MEOX1: variants seen among roughly 807,000 people sequenced by gnomAD.
MEOX1 encodes mesenchyme homeobox 1.
In MEOX1, 17 loss-of-function variants were observed where a neutral mutation model predicts 23.2. The observed-to-expected ratio is 0.73, with a 90% confidence interval of 0.50 to 1.10. The LOEUF (loss-of-function observed/expected upper bound fraction) is 1.10, where lower values mean the gene tolerates loss of function less well. MEOX1 is among the 50% of genes least tolerant of loss of function. The pLI, the probability that MEOX1 is intolerant of heterozygous loss-of-function variation, is 0.00. For synonymous variants in MEOX1, 134 were observed against 135.1 expected, an observed-to-expected ratio of 0.99 and a Z score of 0.06; for missense variants, 333 against 332.2, an observed-to-expected ratio of 1.00 and a Z score of -0.02.
At chr17:43,657,340 ATTTTTTTT>A (rs34747408) in intron 1 of MEOX1, among the ~76,000 whole-genome samples, 1 of 122,240 alleles carries the variant, frequency 8.2e-6, no homozygotes, top group Non-Finnish European at 1.7e-5. Context: ...CACCTGGCTA[ATTTTTTTT>A]TTTTTTTTTT....
At chr17:43,657,012 C>CTCTTTCTTTCTT (rs3034954) in intron 1 of MEOX1, among the ~76,000 whole-genome samples, 13,728 of 104,272 alleles carry the variant, frequency 0.13, 1,213 homozygotes, top group East Asian at 0.24. Context: ...TTCTTTCTTT[C>CTCTTTCTTTCTT]TCTTTCTTTC....
At chr17:43,643,327 A>T (rs928649928) in intron 2 of MEOX1, among the ~76,000 whole-genome samples, 161 bp downstream of exon 2, 2 of 151,942 alleles carry the variant, frequency 1.3e-5, no homozygotes, top group African/African-American at 4.8e-5. Flanking sequence ...AAACAAAAAA[A>T]CCCAAAACTC....
chr17:43,655,195 G>A (rs962113182), intron 1 of MEOX1, among the ~76,000 whole-genome samples: 13 of 152,048 alleles, frequency 8.5e-5, no homozygotes, highest in African/African-American at 2.9e-4. Context: ...TTTGGTGGCC[G>A]GGCACAGTGG....
intron 1 of MEOX1, among the ~76,000 whole-genome samples, chr17:43,658,506 C>CAA (rs56142635): frequency 0.16 from 17,099 of 108,278 alleles, 1,418 homozygotes; most frequent in East Asian, 0.23. Flanking sequence ...GACTCCATCT[C>CAA]AAAAAAAAAA....
intron 1 of MEOX1, among the ~76,000 whole-genome samples, chr17:43,660,395 G>C (rs12451702): frequency 0.16 from 24,985 of 152,182 alleles, 2,737 homozygotes; most frequent in East Asian, 0.48. Flanking sequence ...CTTCCTGGGG[G>C]GTCAGCCAGA....
At chr17:43,653,707 A>T (rs1212875967) in intron 1 of MEOX1, among the ~76,000 whole-genome samples, 1 of 151,010 alleles carries the variant, frequency 6.6e-6, no homozygotes, top group Admixed American at 6.6e-5. Context: ...ATGGGATTTC[A>T]CCATTTTGGC....
intron 1 of MEOX1, among the ~76,000 whole-genome samples, chr17:43,655,634 G>A (rs1309425953): frequency 1.4e-5 from 2 of 141,000 alleles, no homozygotes; most frequent in Non-Finnish European, 3.0e-5. Flanking sequence ...CACCTGCCTC[G>A]GCAGCATAGC....
intron 1 of MEOX1, among the ~76,000 whole-genome samples, chr17:43,645,171 CTTT>C (rs869205502): frequency 0.14 from 13,747 of 98,154 alleles, 474 homozygotes; most frequent in Admixed American, 0.18. Context: ...CATTAATTAT[CTTT>C]TTTTTTTTTT....
At chr17:43,649,596 TG>T (rs1306381252) in intron 1 of MEOX1, among the ~76,000 whole-genome samples, 1 of 152,190 alleles carries the variant, frequency 6.6e-6, no homozygotes, top group African/African-American at 2.4e-5. Flanking sequence ...CATGAGCCAC[TG>T]CACCTGGCCT....
chr17:43,650,074 C>A (rs1972888083), intron 1 of MEOX1, among the ~76,000 whole-genome samples: 2 of 152,172 alleles, frequency 1.3e-5, no homozygotes, highest in African/African-American at 2.4e-5. Flanking sequence ...CTGAGGGCAC[C>A]AGTTTACATA....
At chr17:43,648,227 T>C (rs1225710731) in intron 1 of MEOX1, among the ~76,000 whole-genome samples, 1 of 152,110 alleles carries the variant, frequency 6.6e-6, no homozygotes, top group Non-Finnish European at 1.5e-5. Context: ...CCCAGCACTT[T>C]GGGAGGCCGA....
intron 1 of MEOX1, among the ~76,000 whole-genome samples, chr17:43,651,400 A>AG (rs1226359239): frequency 6.6e-6 from 1 of 152,130 alleles, no homozygotes. Flanking sequence ...AGCAGCTTTC[A>AG]AGAGGGGATG....
chr17:43,651,209 C>T (rs1016844144), intron 1 of MEOX1, among the ~76,000 whole-genome samples: 5 of 152,038 alleles, frequency 3.3e-5, no homozygotes, highest in South Asian at 2.1e-4. Context: ...GTCCCAGCTA[C>T]TCGGGAGGCT....
rs767999341 is a variant in MEOX1, at chr17:43,661,477, C to T, written c.58G>A (p.Gly20Ser). ...TCCGAGTGGGGGTTTCGAAGGCAGC[C>T]CCAGACAGGGGCTGGGGGCTGGAGG... ...RSLQPPAPVW[G>S]CLRNPHSEGN... The change falls in exon 1 of 3, where the codon GGC becomes AGC. Residue 20 changes from glycine to serine, a missense_variant. Coordinates refer to ENST00000318579, the MANE Select transcript of MEOX1 (RefSeq NM_004527.4). The T allele has an allele frequency of 2.2e-5, 35 of 1,608,064 alleles. No homozygotes were observed. The South Asian group carries it at 3.8e-4, about 17-fold the overall frequency.
chr17:43,655,210 C>T (rs570830777), intron 1 of MEOX1, among the ~76,000 whole-genome samples: 2 of 152,148 alleles, frequency 1.3e-5, no homozygotes, highest in South Asian at 2.1e-4. Flanking sequence ...CAGTGGCTCA[C>T]GCCTGTAGTC....
chr17:43,653,057 C>CTTCTA (rs781484400), intron 1 of MEOX1, among the ~76,000 whole-genome samples: 11 of 151,362 alleles, frequency 7.3e-5, no homozygotes, highest in Non-Finnish European at 1.3e-4. Flanking sequence ...TGGTCTCGAT[C>CTTCTA]TTCTGACATC....
intron 1 of MEOX1, among the ~76,000 whole-genome samples, chr17:43,659,998 C>A (rs1484917280): frequency 6.6e-6 from 1 of 152,340 alleles, no homozygotes; most frequent in East Asian, 1.9e-4. Flanking sequence ...TGGTTGGTGT[C>A]CTTCTTTTCT....
intron 1 of MEOX1, among the ~76,000 whole-genome samples, chr17:43,653,497 TA>T (rs1215158006): frequency 6.8e-6 from 1 of 147,262 alleles, no homozygotes; most frequent in Non-Finnish European, 1.5e-5. Context: ...GATTCACTCC[TA>T]AAACTGCCTC....
At chr17:43,651,778 A>C (rs1459508902) in intron 1 of MEOX1, among the ~76,000 whole-genome samples, 1 of 152,176 alleles carries the variant, frequency 6.6e-6, no homozygotes, top group East Asian at 1.9e-4. Context: ...AAGCCAGAGA[A>C]ATAGGTGAGC....
Sources: gnomAD v4.1 joint callset for allele counts (sites outside exome capture counted in the v4.1 genomes callset) on GRCh38, gnomAD v4.1.1 for gene constraint, MANE v1.5 for transcripts, NCBI Gene and HGNC (gene_info 2026-07-23, HGNC 2026-07-21) for gene names.